CELF1: variants seen among roughly 807,000 people sequenced by gnomAD.
CELF1 encodes 50 kDa nuclear polyadenylated RNA-binding protein.
CELF1 carries 10 observed loss-of-function variants against 61.8 expected under a neutral mutation model. That is an observed-to-expected ratio of 0.16 (90% CI 0.10 to 0.27). The LOEUF is 0.27. Among genes scored for constraint, CELF1 ranks in the 10% least tolerant of loss-of-function variants. The pLI is 1.00. For missense variants in CELF1, 380 were observed against 639.1 expected, an observed-to-expected ratio of 0.59 and a Z score of 4.37; for synonymous variants, 236 against 225.1, an observed-to-expected ratio of 1.05 and a Z score of -0.43.
At chr11:47,475,206 T>C (rs2079457698) in intron 13 of CELF1, 130 bp downstream of exon 13, 1 of 796,868 alleles carries the variant, frequency 1.3e-6, no homozygotes, top group East Asian at 2.6e-5. Context: ...CAGTCTACAC[T>C]TGACACTGTC....
rs2153352952 is a variant in CELF1, at chr11:47,471,505, G to A, written c.*725C>T. On this transcript the variant is annotated 3_prime_UTR_variant, in exon 15 of 15. Coordinates refer to ENST00000687097, the MANE Select transcript of CELF1 (RefSeq NM_001376376.1). ...CTGCTGGCTGGGGGAGCTCGTAATG[G>A]GTGATGCCGCCCTGCTTTTTGCATA... 1 of 152,316 alleles carries A rather than the reference G, an allele frequency of 6.6e-6. No homozygotes were observed. Among genetic ancestry groups the A allele is most frequent in the East Asian group, 1.9e-4 (1 of 5,196 alleles). The allele number at this position is 152,316 out of a possible 1,614,324, so 9.4% of individuals were successfully genotyped here. A position where few individuals can be genotyped will look rare whatever the true frequency, so the allele number is the denominator to read the frequency against.
At chr11:47,539,826 G>T (rs1421876477) in intron 1 of CELF1, among the ~76,000 whole-genome samples, 1 of 152,282 alleles carries the variant, frequency 6.6e-6, no homozygotes, top group Non-Finnish European at 1.5e-5. Context: ...CTTCTTTCCA[G>T]ATGAAATCTA....
chr11:47,557,226 G>GTT (rs777550147), upstream of CELF1, among the ~76,000 whole-genome samples: 51 of 137,812 alleles, frequency 3.7e-4, no homozygotes, highest in African/African-American at 1.3e-3. Context: ...GTTTTGTTTT[G>GTT]TTTTTTTTTT....
At chr11:47,525,871 G>GT (rs2096211253) in intron 1 of CELF1, among the ~76,000 whole-genome samples, 1 of 151,710 alleles carries the variant, frequency 6.6e-6, no homozygotes, top group South Asian at 2.1e-4. Flanking sequence ...CTTGAGCCCA[G>GT]GAGTTTGAGA....
chr11:47,542,621 T>C (rs2096837889), intron 1 of CELF1, among the ~76,000 whole-genome samples: 1 of 151,406 alleles, frequency 6.6e-6, no homozygotes, highest in Non-Finnish European at 1.5e-5. Flanking sequence ...CCTCAGCCAC[T>C]TGAGGAGCTG....
chr11:47,509,824 C>T (rs1489767589), intron 1 of CELF1, among the ~76,000 whole-genome samples: 1 of 148,972 alleles, frequency 6.7e-6, no homozygotes, highest in Non-Finnish European at 1.5e-5. Flanking sequence ...GTCAGGAATT[C>T]AAGACCAGTC....
intron 1 of CELF1, among the ~76,000 whole-genome samples, chr11:47,516,438 T>C (rs1318352324): frequency 6.6e-6 from 1 of 152,128 alleles, no homozygotes; most frequent in African/African-American, 2.4e-5. Flanking sequence ...CCAACAATAA[T>C]AGCAATAATG....
At chr11:47,540,849 G>C (rs894453946) in intron 1 of CELF1, among the ~76,000 whole-genome samples, 10 of 151,856 alleles carry the variant, frequency 6.6e-5, no homozygotes, top group Non-Finnish European at 1.3e-4. Flanking sequence ...CGCGCCACTG[G>C]ACTCCAGCCT....
intron 1 of CELF1, among the ~76,000 whole-genome samples, chr11:47,546,814 C>A (rs956095757): frequency 2.0e-5 from 3 of 151,940 alleles, no homozygotes; most frequent in Non-Finnish European, 2.9e-5. Flanking sequence ...CCTGTAATTG[C>A]AGAACTTTGG....
At chr11:47,565,510 G>A (rs11039300), upstream of CELF1, 782,925 of 955,216 alleles carry the variant, frequency 0.82, 326,712 homozygotes, top group Non-Finnish European at 0.86. Flanking sequence ...CCCGGTGCGA[G>A]CCCGCGAGAG....
rs111269837 is a variant in CELF1, at chr11:47,536,757, C to G, written c.-154+16235G>C. Among the ~76,000 whole-genome samples, 1,048 of 152,042 alleles carry G rather than the reference C, an allele frequency of 6.9e-3. 15 individuals carry two copies. Among genetic ancestry groups the G allele is most frequent in the African/African-American group, 0.023 (971 of 41,470 alleles). On this transcript the variant is annotated intron_variant, in intron 1 of 14. Transcript: ENST00000687097. Reference sequence around the variant, plus strand: ...TGCGTGACAGAGTGAGACTCCATTTCAAAAAATAATAATAAAAAATAAAAA... The same window carrying G: ...TGCGTGACAGAGTGAGACTCCATTTGAAAAAATAATAATAAAAAATAAAAA...
chr11:47,517,440 C>T (rs1452162145), intron 1 of CELF1, among the ~76,000 whole-genome samples: 2 of 152,032 alleles, frequency 1.3e-5, no homozygotes, highest in African/African-American at 4.8e-5. Flanking sequence ...CTATTAAATA[C>T]AGTATAACCA....
chr11:47,524,367 A>C, intron 1 of CELF1, among the ~76,000 whole-genome samples: 1 of 152,134 alleles, frequency 6.6e-6, no homozygotes, highest in East Asian at 1.9e-4. Flanking sequence ...ACCATTTCTG[A>C]CATCACATTT....
At chr11:47,505,446 C>T (rs538779007) in intron 1 of CELF1, among the ~76,000 whole-genome samples, 18 of 150,772 alleles carry the variant, frequency 1.2e-4, no homozygotes, top group East Asian at 3.9e-4. Flanking sequence ...CTGGTTAACA[C>T]GGTGAAATCC....
chr11:47,561,422 G>A (rs1193927874), intron 2 of CELF1, among the ~76,000 whole-genome samples: 2 of 109,620 alleles, frequency 1.8e-5, no homozygotes, highest in Non-Finnish European at 3.3e-5. Flanking sequence ...CAGCCTGGGC[G>A]ACAGAACGAG....
At chr11:47,534,337 G>A (rs890758148) in intron 1 of CELF1, among the ~76,000 whole-genome samples, 2 of 151,382 alleles carry the variant, frequency 1.3e-5, no homozygotes, top group Admixed American at 6.6e-5. Context: ...GCCATATTTA[G>A]TATTTTTTCT....
intron 1 of CELF1, among the ~76,000 whole-genome samples, chr11:47,521,866 G>A (rs1050243547): frequency 1.3e-5 from 2 of 151,870 alleles, no homozygotes; most frequent in African/African-American, 2.4e-5. Context: ...TACTGAGCTA[G>A]AAACATAGTG....
rs766203238 is a variant in CELF1, at chr11:47,482,745, C to G, written c.718G>C (p.Val240Leu). 1 of 1,614,176 alleles carries G rather than the reference C, an allele frequency of 6.2e-7. No homozygotes were observed. Among genetic ancestry groups the G allele is most frequent in the Non-Finnish European group, 8.5e-7 (1 of 1,180,030 alleles). The change falls in exon 9 of 15, where the codon GTG becomes CTG. Residue 240 changes from valine (V) to leucine (L), a missense_variant. Physicochemically the swap from Val to Leu is conservative, Grantham distance 32. Transcript: ENST00000687097. ...QQMQQISAAS[V>L]WGNLAGLNTL... ...TTTAGACCAGCAAGGTTTCCCCACA[C>G]AGATGCTGCGCTGATTTGCTGCATC...
At chr11:47,479,942 TC>T (rs1230333776) in intron 9 of CELF1, among the ~76,000 whole-genome samples, 1 of 151,374 alleles carries the variant, frequency 6.6e-6, no homozygotes, top group East Asian at 1.9e-4. Context: ...ATACACCCTT[TC>T]CCCCCGCTTC....
Sources: allele counts gnomAD v4.1 joint callset (sites outside exome capture counted in the v4.1 genomes callset), GRCh38; gene constraint gnomAD v4.1.1; transcripts MANE v1.5; gene names NCBI Gene and HGNC (gene_info 2026-07-23, HGNC 2026-07-21).